Variants in LCN10 observed in about 807,000 individuals in gnomAD.
LCN10 encodes epididymal-specific lipocalin-10.
A neutral mutation model predicts 25.1 loss-of-function variants in LCN10; 18 were observed. The ratio of observed to expected loss-of-function variants is 0.72; its 90% confidence interval spans 0.50 to 1.06. The LOEUF (loss-of-function observed/expected upper bound fraction) is 1.06, where lower values mean the gene tolerates loss of function less well. Ranked by LOEUF, LCN10 falls within the 50% of genes least tolerant of loss-of-function variation. The pLI is 0.00. For missense variants in LCN10, 257 were observed against 258.9 expected, an observed-to-expected ratio of 0.99 and a Z score of 0.05; for synonymous variants, 130 against 116.7, an observed-to-expected ratio of 1.11 and a Z score of -0.73.
Position 136,739,169 on chromosome 9 carries a change from G to A in LCN10, c.*356C>T, listed in dbSNP as rs894346005. 3 of 284,142 alleles carry A rather than the reference G, an allele frequency of 1.1e-5. No homozygotes were observed. Among genetic ancestry groups the A allele is most frequent in the East Asian group, 8.5e-5 (1 of 11,798 alleles). 17.6% of individuals were successfully genotyped at this position (284,142 alleles called of 1,614,324 possible). A position where few individuals can be genotyped will look rare whatever the true frequency, so the allele number is the denominator to read the frequency against. ...GAAAGTGCAGGATGTAAAGGAACGCGGAGGGTGGCGGCGGCGTGGAGGGCA... is the reference window on the plus strand; with the variant it reads ...GAAAGTGCAGGATGTAAAGGAACGCAGAGGGTGGCGGCGGCGTGGAGGGCA... On this transcript the variant is annotated 3_prime_UTR_variant, in exon 6 of 6. Coordinates refer to ENST00000497771, the MANE Select transcript of LCN10 (RefSeq NM_001001712.3). This position sits in a 1 kb window ranked among gnomAD's most constrained non-coding sequence, Gnocchi z 6.1.
rs1846897151 is a variant in LCN10 at position 136,739,912 on chromosome 9, T to C, written c.574+38A>G. On this transcript the variant is annotated intron_variant, in intron 5 of 5. Coordinates refer to ENST00000497771, the MANE Select transcript of LCN10 (RefSeq NM_001001712.3). The surrounding 1 kb of genome is among the most constrained non-coding windows in gnomAD (Gnocchi z 6.1). Reference sequence around the variant, plus strand: ...TCAGCTCCCCAATGGGACGGGCAGGTAGGGCCAGGAGGGCAAAGGGCTGAG... The same window carrying C: ...TCAGCTCCCCAATGGGACGGGCAGGCAGGGCCAGGAGGGCAAAGGGCTGAG... 6.8e-7 allele frequency: 1 copy of C among 1,474,128 alleles called. No homozygotes were observed. The highest frequency in any genetic ancestry group is 9.3e-7 in the Non-Finnish European group (1 of 1,073,982). 91.3% of individuals were successfully genotyped at this position (1,474,128 alleles called of 1,614,324 possible). A position where few individuals can be genotyped will look rare whatever the true frequency, so the allele number is the denominator to read the frequency against.
chr9:136,741,452 G>A (rs528524319), intron 2 of LCN10, 91 bp from the exon 3 acceptor site: 16 of 1,038,552 alleles, frequency 1.5e-5, no homozygotes, highest in African/African-American at 6.3e-5. Context: ...TCTCGGTCCC[G>A]CCCCTGCTCC....
In LCN10 at chr9:136,740,338, G is replaced by T; in HGVS notation, c.476-290C>A. 2.0e-6 allele frequency: 1 copy of T among 498,558 alleles called. No individual in the cohort carries two copies. The highest frequency in any genetic ancestry group is 2.1e-5 in the South Asian group (1 of 46,936). 30.9% of individuals were successfully genotyped at this position (498,558 alleles called of 1,614,324 possible). A position where few individuals can be genotyped will look rare whatever the true frequency, so the allele number is the denominator to read the frequency against. ...CCCCAGCTTGCTGCACCCTGAGCGT[G>T]CCCTGCCTCGACTGAGACCCCAGGA... is the stretch of plus-strand genomic sequence containing the variant. On this transcript the variant is annotated intron_variant, in intron 4 of 5. Transcript: ENST00000497771. The surrounding 1 kb of genome is among the most constrained non-coding windows in gnomAD (Gnocchi z 5.3).
Position 136,742,805 on chromosome 9 carries a change from G to A in LCN10, c.99C>T (p.His33=), listed in dbSNP as rs201151522. 9.9e-5 allele frequency: 159 copies of A among 1,613,412 alleles called. No individual in the cohort carries two copies. In the East Asian group the frequency reaches 1.6e-3, roughly 17 times the overall value. ...QVQEWYPRES[H]ALNWNKFSGF... ...GGCTCACCTTGTTCCAGTTGAGGGC[G>A]TGGGACTCCCTGGGGTACCACTCCT... Residue 33 remains histidine (H), a synonymous_variant, in exon 1 of 6, where the codon CAC becomes CAT. Coordinates refer to ENST00000497771, the MANE Select transcript of LCN10 (RefSeq NM_001001712.3).
intron 1 of LCN10, 48 bp downstream of exon 1, chr9:136,742,733 TGCTCCA>T: frequency 1.9e-6 from 3 of 1,600,474 alleles, no homozygotes; most frequent in Non-Finnish European, 2.6e-6. Context: ...TGCAGGAGCC[TGCTCCA>T]GCTCCAGAGC....
Position 136,741,280 on chromosome 9 carries a change from CG to C in LCN10, c.338del (p.Ala113GlyfsTer11). 6.2e-7 allele frequency: 1 copy of C among 1,613,562 alleles called. No homozygotes were observed. Among genetic ancestry groups the C allele is most frequent in the Non-Finnish European group, 8.5e-7 (1 of 1,179,796 alleles). ...CCTCCTGTCCTTCCCTCGGGCCCGC[CG>C]CGTATGCACAGGCGTTCCCAAACAC... is the stretch of plus-strand genomic sequence containing the variant. ...KPVFGNACAY[A>X]AGPREGQEGV... On this transcript the variant is annotated frameshift_variant, in exon 3 of 6. Transcript: ENST00000497771. LOFTEE classifies it high-confidence loss of function.
At chr9:136,741,094 C>T (rs529308974) in intron 3 of LCN10, 151 bp from the exon 4 acceptor site, 156 of 975,266 alleles carry the variant, frequency 1.6e-4, no homozygotes, top group Non-Finnish European at 2.2e-4. Context: ...CCTCCCCTCC[C>T]GGGCCAGGCC....
chr9:136,742,248 G>A, intron 1 of LCN10: 1 of 556,094 alleles, frequency 1.8e-6, no homozygotes, highest in Non-Finnish European at 3.1e-6. Flanking sequence ...GCAAAGGGCT[G>A]GGCTGTGGGC....
Position 136,740,943 on chromosome 9 carries a change from A to G in LCN10, c.368T>C (p.Val123Ala), listed in dbSNP as rs747581010. ...CACGTGGAAGGCCTTCACCCCTTTC[A>G]CTGAAAGAGATGCCCAGAGATGCCC... ...AAGPREGQEG[V>A]KGVKAFHVLS... Residue 123 changes from valine to alanine, a missense_variant and splice_region_variant, in exon 4 of 6, where the codon GTG becomes GCG. Coordinates refer to ENST00000497771, the MANE Select transcript of LCN10 (RefSeq NM_001001712.3). The surrounding 1 kb of genome is among the most constrained non-coding windows in gnomAD (Gnocchi z 5.3). 1.9e-6 allele frequency: 3 copies of G among 1,612,044 alleles called. No individual in the cohort carries two copies. The highest frequency in any genetic ancestry group is 1.7e-6 in the Non-Finnish European group (2 of 1,178,422).
chr9:136,742,745 A>G, intron 1 of LCN10, 42 bp downstream of exon 1: 17 of 1,608,018 alleles, frequency 1.1e-5, no homozygotes, highest in Non-Finnish European at 1.4e-5. Context: ...CTCCAGCTCC[A>G]GAGCCGGCGC....
intron 2 of LCN10, chr9:136,741,617 G>A (rs1221493940): frequency 1.3e-5 from 8 of 610,292 alleles, no homozygotes; most frequent in Non-Finnish European, 2.3e-5. Context: ...CACCCGTGTG[G>A]GGCCCAGGAG....
In LCN10 at chr9:136,740,141, A is replaced by G. The variant is rs774919772; in HGVS notation, c.476-93T>C. The stretch of plus-strand genomic sequence containing the variant: ...CCCATCCCTACCCCAGGAGCTGCTG[A>G]AATGTCCTCAGAGCTTAGGCGTGAA... On this transcript the variant is annotated intron_variant, in intron 4 of 5. Transcript: ENST00000497771. The surrounding 1 kb of genome is among the most constrained non-coding windows in gnomAD (Gnocchi z 5.3). The G allele has an allele frequency of 1.1e-6, 1 of 869,954 alleles. No homozygotes were observed. Among genetic ancestry groups the G allele is most frequent in the African/African-American group, 1.7e-5 (1 of 59,904 alleles). The allele number at this position is 869,954 out of a possible 1,614,324, so 53.9% of individuals were successfully genotyped here. A position where few individuals can be genotyped will look rare whatever the true frequency, so the allele number is the denominator to read the frequency against.
chr9:136,741,015 C>T (rs752968140), intron 3 of LCN10, 72 bp from the exon 4 acceptor site: 7 of 1,379,472 alleles, frequency 5.1e-6, no homozygotes, highest in Middle Eastern at 1.8e-4. Flanking sequence ...GCCCTGACCC[C>T]TGGTGCCCGA....
chr9:136,740,875 C>A lies in LCN10; in HGVS notation c.436G>T (p.Gly146Trp). Residue 146 changes from glycine to tryptophan, a missense_variant, in exon 4 of 6, where the codon GGG (glycine) becomes TGG (tryptophan). Coordinates refer to ENST00000497771, the MANE Select transcript of LCN10 (RefSeq NM_001001712.3). The surrounding 1 kb of genome is among the most constrained non-coding windows in gnomAD (Gnocchi z 5.3). ...TTCTTGTAGTTTTGGGTTGCACGCC[C>A]CAGGCGGAGGTAGACCAAGCCGTAG... ...YSYGLVYLRL[G>W]RATQNYKNLL... 1.2e-6 allele frequency: 2 copies of A among 1,613,660 alleles called. No homozygotes were observed. Among genetic ancestry groups the A allele is most frequent in the South Asian group, 1.1e-5 (1 of 91,084 alleles).
chr9:136,739,701 A>C lies in LCN10; in HGVS notation c.575-148T>G, dbSNP rs546335670. 1.2e-6 allele frequency: 1 copy of C among 821,946 alleles called. No homozygotes were observed. Among genetic ancestry groups the C allele is most frequent in the Non-Finnish European group, 2.0e-6 (1 of 493,428 alleles). The allele number at this position is 821,946 out of a possible 1,614,324, so 50.9% of individuals were successfully genotyped here. ...ACAGCCATGCAGCCCCCGATCCTGC[A>C]GCCACAGCCACGGCATCGCCTGGTC... is the stretch of plus-strand genomic sequence containing the variant. On this transcript the variant is annotated intron_variant, in intron 5 of 5. Transcript: ENST00000497771. This position sits in a 1 kb window ranked among gnomAD's most constrained non-coding sequence, Gnocchi z 6.1.
rs1015659420 is a variant in LCN10, at chr9:136,739,492, G to A, written c.*33C>T. ...CGCTCCTCGGGTCTGGGAGGACCAC[G>A]CGTCGAAAGGGAAGAGCAGAGGACG... is the stretch of plus-strand genomic sequence containing the variant. On this transcript the variant is annotated 3_prime_UTR_variant, in exon 6 of 6. Coordinates refer to ENST00000497771, the MANE Select transcript of LCN10 (RefSeq NM_001001712.3). The surrounding 1 kb of genome is among the most constrained non-coding windows in gnomAD (Gnocchi z 6.1). The A allele has an allele frequency of 5.7e-6, 9 of 1,583,934 alleles. No individual in the cohort carries two copies. The highest frequency in any genetic ancestry group is 1.3e-5 in the African/African-American group (1 of 74,444).
rs773017973 is a variant in LCN10, at chr9:136,741,280, C to G, written c.339G>C (p.Ala113=). 2.5e-6 allele frequency: 4 copies of G among 1,613,562 alleles called. No individual in the cohort carries two copies. The highest frequency in any genetic ancestry group is 3.4e-6 in the Non-Finnish European group (4 of 1,179,796). ...CCTCCTGTCCTTCCCTCGGGCCCGC[C>G]GCGTATGCACAGGCGTTCCCAAACA... is the stretch of plus-strand genomic sequence containing the variant. ...KPVFGNACAY[A]AGPREGQEGV... is the part of the protein sequence containing the mutation. The change falls in exon 3 of 6, where the codon GCG becomes GCC. Residue 113 remains alanine (A), a synonymous_variant. Transcript: ENST00000497771.
chr9:136,742,002 T>C lies in LCN10; in HGVS notation c.136A>G (p.Ile46Val). 3.7e-6 allele frequency: 6 copies of C among 1,612,940 alleles called. No individual in the cohort carries two copies. Among genetic ancestry groups the C allele is most frequent in the Non-Finnish European group, 5.1e-6 (6 of 1,179,768 alleles). ...NWNKFSGFWY[I>V]LATATDAQGF... Reference sequence around the variant, plus strand: ...TGGGCATCAGTGGCAGTGGCCAGAATGTACCAGAACCCTGAAAACTGCGCA... The same window carrying C: ...TGGGCATCAGTGGCAGTGGCCAGAACGTACCAGAACCCTGAAAACTGCGCA... The change falls in exon 2 of 6, where the codon ATT (isoleucine) becomes GTT (valine). Residue 46 changes from isoleucine to valine, a missense_variant. Transcript: ENST00000497771.
chr9:136,739,629 G>A lies in LCN10; in HGVS notation c.575-76C>T, dbSNP rs1009770104. On this transcript the variant is annotated intron_variant, in intron 5 of 5. Coordinates refer to ENST00000497771, the MANE Select transcript of LCN10 (RefSeq NM_001001712.3). This position sits in a 1 kb window ranked among gnomAD's most constrained non-coding sequence, Gnocchi z 6.1. ...CATGAGCCGTGAACACGTCTCCCCC[G>A]GCCGCTCCCTGGTTCCATGCGTGCT... 7.1e-6 allele frequency: 10 copies of A among 1,405,120 alleles called. No individual in the cohort carries two copies. The highest frequency in any genetic ancestry group is 2.5e-5 in the East Asian group (1 of 40,558). 87.0% of individuals were successfully genotyped at this position (1,405,120 alleles called of 1,614,324 possible).
Sources: gnomAD v4.1 joint callset for allele counts on GRCh38, gnomAD v4.1.1 for gene constraint, Gnocchi (gnomAD v3.1) non-coding constraint, MANE v1.5 for transcripts, NCBI Gene and HGNC (gene_info 2026-07-23, HGNC 2026-07-21) for gene names.